RPE: variants seen among roughly 807,000 people sequenced by gnomAD.
The protein encoded by RPE is ribulose-5-phosphate-3-epimerase, also known as ribulose-phosphate 3-epimerase.
Under a neutral mutation model 24.6 loss-of-function variants are expected in RPE, and 16 were observed. The ratio of observed to expected loss-of-function variants is 0.65; its 90% CI spans 0.44 to 0.99. The LOEUF is 0.99. Ranked by LOEUF, RPE falls within the 50% of genes least tolerant of loss-of-function variation. The pLI is 0.00. For missense variants in RPE, 240 were observed against 294.5 expected (o/e 0.81, Z 1.35); for synonymous variants, 93 against 98.4 (o/e 0.94, Z 0.33).
At chr2:210,018,708 C>T in intron 5 of RPE, 1 of 985,192 alleles carries the variant, frequency 1.0e-6, no homozygotes. Context: ...TGCTTTTATG[C>T]CAGAGGTAGC....
At chr2:210,008,727 G>A (rs556857907) in intron 1 of RPE, among the ~76,000 whole-genome samples, 3 of 152,156 alleles carry the variant, frequency 2.0e-5, no homozygotes, top group Non-Finnish European at 2.9e-5. Flanking sequence ...GGTAAGTCTC[G>A]CTTTGTCGCC....
At chr2:210,009,804 T>G (rs931335243) in intron 2 of RPE, 68 bp downstream of exon 2, 4 of 1,601,336 alleles carry the variant, frequency 2.5e-6, no homozygotes, top group Non-Finnish European at 3.4e-6. Context: ...GATGGTTGAT[T>G]TTAACTTCCA....
At chr2:210,015,777 G>T (rs528984859) in intron 2 of RPE, among the ~76,000 whole-genome samples, 196 bp from the exon 3 acceptor site, 1 of 152,120 alleles carries the variant, frequency 6.6e-6, no homozygotes, top group East Asian at 1.9e-4. Flanking sequence ...AGTGTTTTTT[G>T]TAAATGAATT....
At chr2:210,012,578 A>G (rs2093715356) in intron 2 of RPE, among the ~76,000 whole-genome samples, 1 of 152,236 alleles carries the variant, frequency 6.6e-6, no homozygotes, top group Admixed American at 6.5e-5. Context: ...CACTTGCACC[A>G]TAGAGGTGTG....
chr2:210,009,405 T>C (rs2093672360), intron 1 of RPE, among the ~76,000 whole-genome samples: 1 of 152,176 alleles, frequency 6.6e-6, no homozygotes, highest in Non-Finnish European at 1.5e-5. Context: ...TTTCTACTTG[T>C]CATGGGTCGT....
chr2:210,017,743 T>A (rs755251165), intron 5 of RPE, 184 bp downstream of exon 5: 1 of 621,508 alleles, frequency 1.6e-6, no homozygotes, highest in Non-Finnish European at 2.8e-6. Flanking sequence ...CTTTTTTTTT[T>A]TTTTTTTTTT....
intron 2 of RPE, among the ~76,000 whole-genome samples, chr2:210,012,856 T>C (rs2093719559): frequency 2.0e-5 from 3 of 152,240 alleles, no homozygotes; most frequent in African/African-American, 7.2e-5. Flanking sequence ...TTTTACCAAA[T>C]GTGATTTTGG....
At chr2:210,017,428 C>CAAAAACACAAAA in intron 4 of RPE, 45 bp from the exon 5 acceptor site, 1 of 924,552 alleles carries the variant, frequency 1.1e-6, no homozygotes, top group Non-Finnish European at 1.6e-6. Context: ...CCCCCACCAA[C>CAAAAACACAAAA]ATACCCACTT....
In RPE at chr2:210,020,862, G is replaced by C. The variant is rs2093845889; in HGVS notation, c.*1071G>C. 1 of 152,742 alleles carries C rather than the reference G, an allele frequency of 6.5e-6. No individual in the cohort carries two copies. Among genetic ancestry groups the C allele is most frequent in the African/African-American group, 2.4e-5 (1 of 41,420 alleles). 9.5% of individuals were successfully genotyped at this position (152,742 alleles called of 1,614,324 possible). A position where few individuals can be genotyped will look rare whatever the true frequency, so the allele number is the denominator to read the frequency against. The stretch of plus-strand genomic sequence containing the variant: ...CTTAATAGGGTGGTACCCTGGAAAG[G>C]ATCTGGGAAGTGGTAGAATTTCTGG... On this transcript the variant is annotated 3_prime_UTR_variant, in exon 6 of 6. Transcript: ENST00000359429.
intron 2 of RPE, among the ~76,000 whole-genome samples, chr2:210,011,041 C>G (rs2093692778): frequency 1.3e-5 from 2 of 152,120 alleles, no homozygotes; most frequent in South Asian, 2.1e-4. Context: ...GGGACATTTC[C>G]AATATCACAG....
intron 2 of RPE, among the ~76,000 whole-genome samples, chr2:210,013,709 A>T (rs1032304902): frequency 2.6e-5 from 4 of 152,184 alleles, no homozygotes; most frequent in African/African-American, 9.7e-5. Context: ...AATAATTTTT[A>T]AGAGTGTAAA....
intron 1 of RPE, among the ~76,000 whole-genome samples, chr2:210,005,904 T>C (rs1219796262): frequency 1.3e-5 from 2 of 152,154 alleles, no homozygotes; most frequent in Admixed American, 6.5e-5. Flanking sequence ...ATCTTTGCCT[T>C]GTTGGGAGAT....
At chr2:210,016,418 A>G in intron 3 of RPE, 89 bp from the exon 4 acceptor site, 1 of 1,586,474 alleles carries the variant, frequency 6.3e-7, no homozygotes, top group South Asian at 1.2e-5. Flanking sequence ...AAAAATAAGA[A>G]CAGATATTTC....
chr2:210,005,709 G>T (rs1022724798), intron 1 of RPE, among the ~76,000 whole-genome samples: 1 of 152,014 alleles, frequency 6.6e-6, no homozygotes, highest in South Asian at 2.1e-4. Flanking sequence ...GAGCTGACAG[G>T]GGCAGCCTCA....
chr2:210,018,488 A>G (rs1195416664), intron 5 of RPE: 4 of 984,706 alleles, frequency 4.1e-6, no homozygotes, highest in African/African-American at 1.8e-5. Flanking sequence ...TAAAGCTTAC[A>G]TGACTGCTTT....
At chr2:210,003,118 G>A (rs1394561579) in intron 1 of RPE, among the ~76,000 whole-genome samples, 2 of 152,190 alleles carry the variant, frequency 1.3e-5, no homozygotes, top group Non-Finnish European at 2.9e-5. Context: ...GGAGAAGCAT[G>A]ACTTGCCCAA....
chr2:210,017,576 A>G lies in RPE; in HGVS notation c.564+17A>G, dbSNP rs1192308134. The G allele has an allele frequency of 1.2e-6, 2 of 1,610,992 alleles. No homozygotes were observed. Among genetic ancestry groups the G allele is most frequent in the Non-Finnish European group, 1.7e-6 (2 of 1,177,426 alleles). On this transcript the variant is annotated intron_variant, in intron 5 of 5. Coordinates refer to ENST00000359429, the MANE Select transcript of RPE (RefSeq NM_199229.3). Reference sequence around the variant, plus strand: ...TGTGCAGAGGTGAGATTGCTCTTCAACTATGACTAGACCAATTTCCCGTCA... The same window carrying G: ...TGTGCAGAGGTGAGATTGCTCTTCAGCTATGACTAGACCAATTTCCCGTCA...
chr2:210,018,290 A>G, intron 5 of RPE: 1 of 1,481,230 alleles, frequency 6.8e-7, no homozygotes, highest in Non-Finnish European at 8.9e-7. Context: ...TAGAACCTAC[A>G]TATTATTTAG....
Position 210,011,645 on chromosome 2 carries a change from G to GT in RPE, c.202+1915dup, listed in dbSNP as rs549675390. On this transcript the variant is annotated intron_variant, in intron 2 of 5. Transcript: ENST00000359429. ...TTAATGTTTGGGTTTTGTGACCCTT[G>GT]TTTTTTGGTTTTTCGCTTTTTGTTG... Among the ~76,000 whole-genome samples the GT allele has an allele frequency of 7.2e-5, 11 of 152,096 alleles. No individual in the cohort carries two copies. In the East Asian group the frequency reaches 2.1e-3, roughly 29 times the overall value.
Sources: allele counts gnomAD v4.1 joint callset (sites outside exome capture counted in the v4.1 genomes callset), GRCh38; gene constraint gnomAD v4.1.1; transcripts MANE v1.5; gene names NCBI Gene and HGNC (gene_info 2026-07-23, HGNC 2026-07-21).